Variants in FSTL5 observed in about 807,000 individuals in gnomAD.
FSTL5 encodes follistatin-related protein 5.
A neutral mutation model predicts 89.1 loss-of-function variants in FSTL5; 62 were observed. The ratio of observed to expected loss-of-function variants is 0.70; its 90% confidence interval spans 0.57 to 0.86. FSTL5 has a LOEUF of 0.86. FSTL5 is among the 40% of genes least tolerant of loss of function. The probability of loss-of-function intolerance (pLI) is 0.00; values close to 1 mark genes in which losing one functional copy is unlikely to be tolerated. For synonymous variants in FSTL5, 383 were observed against 346.2 expected, an observed-to-expected ratio of 1.11 and a Z score of -1.18; for missense variants, 1,057 against 1,001.6, an observed-to-expected ratio of 1.06 and a Z score of -0.75.
intron 1 of FSTL5, among the ~76,000 whole-genome samples, chr4:162,138,804 C>T (rs1732614531): frequency 6.6e-6 from 1 of 151,978 alleles, no homozygotes; most frequent in Admixed American, 6.6e-5. Context: ...TGACATGCAA[C>T]ACAAAATCGA....
At chr4:161,833,595 T>A (rs2126864038) in intron 4 of FSTL5, among the ~76,000 whole-genome samples, 1 of 151,944 alleles carries the variant, frequency 6.6e-6, no homozygotes, top group African/African-American at 2.4e-5. Context: ...TTTAGGATAG[T>A]TAGCTCTTCT....
chr4:161,945,677 G>C (rs1039489061), intron 3 of FSTL5, among the ~76,000 whole-genome samples: 1 of 152,112 alleles, frequency 6.6e-6, no homozygotes, highest in Non-Finnish European at 1.5e-5. Context: ...GCTTGAACCT[G>C]GAAGGTGGAG....
At chr4:162,130,039 A>C (rs1732235510) in intron 1 of FSTL5, among the ~76,000 whole-genome samples, 1 of 152,162 alleles carries the variant, frequency 6.6e-6, no homozygotes, top group Admixed American at 6.5e-5. Context: ...TAAAGTCCAC[A>C]TAGATATTGA....
At chr4:162,062,855 C>T (rs892504594) in intron 2 of FSTL5, among the ~76,000 whole-genome samples, 1 of 151,312 alleles carries the variant, frequency 6.6e-6, no homozygotes, top group African/African-American at 2.4e-5. Context: ...AAAGACATTG[C>T]AAAGGGCCTT....
chr4:161,802,108 T>C (rs1056318150), intron 4 of FSTL5, among the ~76,000 whole-genome samples: 4 of 151,646 alleles, frequency 2.6e-5, no homozygotes, highest in South Asian at 2.1e-4. Context: ...TCTTTTAGTA[T>C]TTTCTCCATT....
At chr4:161,434,490 G>T (rs527552753) in intron 15 of FSTL5, among the ~76,000 whole-genome samples, 2 of 151,984 alleles carry the variant, frequency 1.3e-5, no homozygotes, top group Non-Finnish European at 2.9e-5. Flanking sequence ...ATGGAGTTGA[G>T]TTTGGACTAG....
At chr4:161,678,730 A>C (rs1471541839) in intron 6 of FSTL5, among the ~76,000 whole-genome samples, 1 of 151,820 alleles carries the variant, frequency 6.6e-6, no homozygotes, top group Non-Finnish European at 1.5e-5. Context: ...GGCAATACAC[A>C]GAAGGAATGC....
chr4:161,385,853 G>T lies in FSTL5; in HGVS notation c.2438C>A (p.Pro813His). ...SGLFGQYLMT[P>H]SKDSLFILDG... ...TAGGATGAAGAGAGAGTCCTTGGAA[G>T]GTGTCATCAGGTATTGACCAAACAA... The change falls in exon 16 of 16, where the codon CCT (proline) becomes CAT (histidine). Residue 813 changes from proline to histidine, a missense_variant. By Grantham distance (77) the Pro-to-His change is moderately conservative. Around this residue, in one of 3 missense-constraint regions of FSTL5, gnomAD observed 68 missense variants for 73.3 expected, o/e 0.93. Transcript: ENST00000306100. 6.2e-7 allele frequency: 1 copy of T among 1,613,658 alleles called. No homozygotes were observed.
intron 6 of FSTL5, among the ~76,000 whole-genome samples, chr4:161,689,246 C>G (rs1186430752): frequency 6.6e-6 from 1 of 152,090 alleles, no homozygotes; most frequent in Admixed American, 6.5e-5. Flanking sequence ...AGAACAAACT[C>G]TATAAGAGAA....
chr4:162,118,277 T>A (rs1056237450), intron 1 of FSTL5, among the ~76,000 whole-genome samples: 1 of 151,092 alleles, frequency 6.6e-6, no homozygotes, highest in Admixed American at 6.6e-5. Context: ...TCTTTTTTTT[T>A]TTTGACGGAA....
At chr4:161,746,905 C>G (rs1279565457) in intron 6 of FSTL5, among the ~76,000 whole-genome samples, 1 of 152,110 alleles carries the variant, frequency 6.6e-6, no homozygotes, top group Non-Finnish European at 1.5e-5. Context: ...TTTGGCTTTG[C>G]TGATGGGCCC....
chr4:161,530,317 T>C (rs924012599), intron 10 of FSTL5, among the ~76,000 whole-genome samples: 1 of 142,302 alleles, frequency 7.0e-6, no homozygotes, highest in African/African-American at 2.5e-5. Flanking sequence ...GGCTGGATTT[T>C]ACAATATTGC....
At chr4:161,939,624 T>C (rs918692827) in intron 3 of FSTL5, among the ~76,000 whole-genome samples, 7 of 151,966 alleles carry the variant, frequency 4.6e-5, no homozygotes, top group African/African-American at 1.7e-4. Flanking sequence ...AGAGGAAGAA[T>C]TGATTTTTGT....
chr4:161,875,493 C>A (rs1339524157), intron 4 of FSTL5, among the ~76,000 whole-genome samples: 1 of 152,118 alleles, frequency 6.6e-6, no homozygotes, highest in East Asian at 1.9e-4. Flanking sequence ...ACTACCACTT[C>A]AGTTTCATGA....
chr4:161,918,714 G>A (rs755970018), intron 4 of FSTL5, among the ~76,000 whole-genome samples: 23 of 151,458 alleles, frequency 1.5e-4, no homozygotes, highest in Non-Finnish European at 1.2e-4. Context: ...GTGCTATCTC[G>A]GCTCACTGCA....
At chr4:161,969,512 G>C (rs1006942039) in intron 3 of FSTL5, among the ~76,000 whole-genome samples, 1 of 151,874 alleles carries the variant, frequency 6.6e-6, no homozygotes, top group African/African-American at 2.4e-5. Flanking sequence ...ATTTGGTTTT[G>C]GAAAAAAAAT....
chr4:161,440,242 T>G (rs1397761547), intron 15 of FSTL5, among the ~76,000 whole-genome samples: 1 of 152,102 alleles, frequency 6.6e-6, no homozygotes, highest in Non-Finnish European at 1.5e-5. Flanking sequence ...TTTCATAAAT[T>G]TTTGTACAGA....
intron 4 of FSTL5, among the ~76,000 whole-genome samples, chr4:161,852,615 A>G (rs1201484998): frequency 6.6e-6 from 1 of 152,208 alleles, no homozygotes; most frequent in Non-Finnish European, 1.5e-5. Flanking sequence ...TACTGCATAT[A>G]TACTCAAAAG....
At chr4:161,788,733 A>C (rs1742006832) in intron 4 of FSTL5, among the ~76,000 whole-genome samples, 1 of 152,152 alleles carries the variant, frequency 6.6e-6, no homozygotes, top group Non-Finnish European at 1.5e-5. Context: ...CTCTCCAAAA[A>C]TAATATTTTA....
Sources: allele counts gnomAD v4.1 joint callset (sites outside exome capture counted in the v4.1 genomes callset), GRCh38; gene constraint gnomAD v4.1.1; regional missense constraint gnomAD v4.1.1; transcripts MANE v1.5; gene names NCBI Gene and HGNC (gene_info 2026-07-23, HGNC 2026-07-21).